The following CSRP2 variants were observed in gnomAD, a reference collection of about 807,000 sequenced individuals.
CSRP2 encodes cysteine and glycine rich protein 2.
In CSRP2, 18 loss-of-function variants were observed where a neutral mutation model predicts 24.6. That is an observed-to-expected ratio of 0.73 (90% CI 0.51 to 1.09). The LOEUF (loss-of-function observed/expected upper bound fraction) is 1.09. Ranked by LOEUF, CSRP2 falls within the 50% of genes least tolerant of loss-of-function variation. The pLI, the probability that CSRP2 is intolerant of heterozygous loss-of-function variation, is 0.00. For synonymous variants in CSRP2, 87 were observed against 84.3 expected (o/e 1.03, Z -0.18); for missense variants, 215 against 239.4 (o/e 0.90, Z 0.67).
chr12:76,871,147 G>C (rs1351567070), intron 1 of CSRP2, among the ~76,000 whole-genome samples: 1 of 151,922 alleles, frequency 6.6e-6, no homozygotes, highest in African/African-American at 2.4e-5. Flanking sequence ...GCGCAACCTT[G>C]GGCTTCATTT....
Position 76,866,038 on chromosome 12 carries a change from G to A in CSRP2, c.112+111C>T, listed in dbSNP as rs74103331. 2.2e-3 allele frequency: 1,666 copies of A among 759,430 alleles called. 24 individuals carry two copies. In the African/African-American group the frequency reaches 0.024, roughly 11 times the overall value. The allele number at this position is 759,430 out of a possible 1,614,324, so 47.0% of individuals were successfully genotyped here. A position where few individuals can be genotyped will look rare whatever the true frequency, so the allele number is the denominator to read the frequency against. On this transcript the variant is annotated intron_variant, in intron 2 of 5. Coordinates refer to ENST00000311083, the MANE Select transcript of CSRP2 (RefSeq NM_001321.3). ...CTAAGAAGACAGGTAAAAACCATTC[G>A]TGCTTTCAAAATGATCTTTGTTGGC... is the stretch of plus-strand genomic sequence containing the variant.
At chr12:76,862,710 C>A in intron 3 of CSRP2, 1 of 1,278,360 alleles carries the variant, frequency 7.8e-7, no homozygotes. Context: ...GAAGTAATTT[C>A]CATTTTTAAG....
intron 1 of CSRP2, among the ~76,000 whole-genome samples, chr12:76,867,448 G>A (rs1021395548): frequency 6.6e-6 from 1 of 151,938 alleles, no homozygotes; most frequent in Non-Finnish European, 1.5e-5. Flanking sequence ...AGCGGAGGTT[G>A]CACTGAGCGA....
At chr12:76,866,354 GTTTC>G in intron 1 of CSRP2, 93 bp from the exon 2 acceptor site, 3 of 873,490 alleles carry the variant, frequency 3.4e-6, no homozygotes, top group Non-Finnish European at 5.4e-6. Flanking sequence ...GCAGATTTTC[GTTTC>G]TTTATGAACC....
intron 3 of CSRP2, chr12:76,861,536 A>T (rs1454959251): frequency 1.3e-5 from 2 of 152,130 alleles, no homozygotes; most frequent in Admixed American, 1.3e-4. Context: ...AAAACCTTTA[A>T]AACACAAAAA....
chr12:76,871,475 A>C (rs1953795764), intron 1 of CSRP2, among the ~76,000 whole-genome samples: 1 of 152,234 alleles, frequency 6.6e-6, no homozygotes, highest in African/African-American at 2.4e-5. Context: ...TGACTGTCTA[A>C]GAAACAAAGT....
intron 3 of CSRP2, chr12:76,860,805 C>T (rs1953669103): frequency 6.5e-6 from 1 of 154,704 alleles, no homozygotes; most frequent in African/African-American, 2.4e-5. Flanking sequence ...TAGCTTTTTA[C>T]TTCACAGGAG....
chr12:76,860,216 G>C, intron 4 of CSRP2, 68 bp downstream of exon 4: 1 of 1,501,838 alleles, frequency 6.7e-7, no homozygotes, highest in Non-Finnish European at 9.0e-7. Flanking sequence ...AAGGAATGTG[G>C]AAGGGTTAGG....
intron 2 of CSRP2, chr12:76,864,583 C>G (rs1179517893): frequency 6.6e-6 from 1 of 151,010 alleles, no homozygotes; most frequent in East Asian, 2.0e-4. Flanking sequence ...ATCTCATGTA[C>G]CCCATAAATA....
intron 1 of CSRP2, among the ~76,000 whole-genome samples, chr12:76,868,801 T>C (rs1953760759): frequency 6.6e-6 from 1 of 151,918 alleles, no homozygotes; most frequent in African/African-American, 2.4e-5. Flanking sequence ...GGCACGGTGG[T>C]GGGGGCCTGT....
intron 2 of CSRP2, 28 bp from the exon 3 acceptor site, chr12:76,863,372 CAT>C: frequency 3.1e-6 from 5 of 1,609,408 alleles, no homozygotes; most frequent in Non-Finnish European, 4.2e-6. Context: ...AGACTTTACA[CAT>C]GTTCCAAAGA....
At chr12:76,878,735 T>C (rs1327314308) in intron 1 of CSRP2, among the ~76,000 whole-genome samples, 1 of 151,896 alleles carries the variant, frequency 6.6e-6, no homozygotes, top group Non-Finnish European at 1.5e-5. Context: ...GCAGGTGTGT[T>C]TGGGGGATAA....
chr12:76,873,469 T>C (rs577301372), intron 1 of CSRP2, among the ~76,000 whole-genome samples: 1 of 152,296 alleles, frequency 6.6e-6, no homozygotes, highest in East Asian at 1.9e-4. Context: ...AAGGATGAAC[T>C]CTTCATGTCT....
intron 1 of CSRP2, among the ~76,000 whole-genome samples, chr12:76,878,676 C>T (rs1034543699): frequency 1.3e-5 from 2 of 152,246 alleles, no homozygotes; most frequent in African/African-American, 2.4e-5. Context: ...TTACCTGCCC[C>T]GCGGGCCTGG....
chr12:76,867,153 G>A (rs956075456), intron 1 of CSRP2, among the ~76,000 whole-genome samples: 12 of 151,920 alleles, frequency 7.9e-5, no homozygotes, highest in African/African-American at 2.2e-4. Context: ...ACATTTTCTC[G>A]TCTCCCTTCT....
At chr12:76,875,719 T>C (rs1231258009) in intron 1 of CSRP2, among the ~76,000 whole-genome samples, 2 of 152,212 alleles carry the variant, frequency 1.3e-5, no homozygotes, top group African/African-American at 2.4e-5. Flanking sequence ...AAACAATATA[T>C]GCAAAACACC....
At chr12:76,860,923 G>A (rs570817524) in intron 3 of CSRP2, 12 of 152,284 alleles carry the variant, frequency 7.9e-5, no homozygotes, top group Middle Eastern at 3.4e-3. Flanking sequence ...TAGTCTCCCA[G>A]TATATCTTGA....
chr12:76,866,706 T>C (rs1210843553), intron 1 of CSRP2, among the ~76,000 whole-genome samples: 4 of 152,232 alleles, frequency 2.6e-5, no homozygotes, highest in Non-Finnish European at 5.9e-5. Context: ...GTTTAATTAA[T>C]TGTAACAACA....
chr12:76,867,960 TG>T (rs1352385749), intron 1 of CSRP2, among the ~76,000 whole-genome samples: 2 of 152,180 alleles, frequency 1.3e-5, no homozygotes, highest in African/African-American at 2.4e-5. Context: ...TTAATGGAGT[TG>T]ATCATTGCGG....
Sources: gnomAD v4.1 joint callset for allele counts (sites outside exome capture counted in the v4.1 genomes callset) on GRCh38, gnomAD v4.1.1 for gene constraint, MANE v1.5 for transcripts, NCBI Gene and HGNC (gene_info 2026-07-23, HGNC 2026-07-21) for gene names.